MYB: variants seen among roughly 807,000 people sequenced by gnomAD.
MYB encodes MYB proto-oncogene, transcription factor, also known as transcriptional activator Myb.
Under a neutral mutation model 92.9 loss-of-function variants are expected in MYB, and 28 were observed. That is an observed-to-expected ratio of 0.30 (90% CI 0.22 to 0.41). The LOEUF is 0.41. Ranked by LOEUF, MYB falls within the 10% of genes least tolerant of loss-of-function variation. The pLI, the probability that MYB is intolerant of heterozygous loss-of-function variation, is 1.00. For synonymous variants in MYB, 295 were observed against 329.1 expected (o/e 0.90, Z 1.12); for missense variants, 679 against 929.3 (o/e 0.73, Z 3.50).
In MYB at chr6:135,199,061, G is replaced by C; in HGVS notation, c.1709+11G>C. On this transcript the variant is annotated intron_variant, in intron 11 of 15. Transcript: ENST00000341911. ...AAAGGAAAATACTGTGTAAGTCTTT[G>C]GTTCAGGAATAAAATGATTTATCTT... is the stretch of plus-strand genomic sequence containing the variant. 1 of 1,563,284 alleles carries C rather than the reference G, an allele frequency of 6.4e-7. No homozygotes were observed. Among genetic ancestry groups the C allele is most frequent in the Non-Finnish European group, 8.6e-7 (1 of 1,156,076 alleles).
chr6:135,214,668 AG>A (rs1408985315), intron 15 of MYB, among the ~76,000 whole-genome samples: 1 of 152,220 alleles, frequency 6.6e-6, no homozygotes, highest in Non-Finnish European at 1.5e-5. Context: ...TTCACCCTCA[AG>A]TAGTCACTAT....
At chr6:135,209,470 G>T (rs1322856929) in intron 15 of MYB, among the ~76,000 whole-genome samples, 1 of 152,156 alleles carries the variant, frequency 6.6e-6, no homozygotes, top group Non-Finnish European at 1.5e-5. Context: ...CCAACCTCAG[G>T]TGATCTGCCT....
chr6:135,200,657 G>A, intron 13 of MYB: 1 of 555,734 alleles, frequency 1.8e-6, no homozygotes, highest in East Asian at 3.4e-5. Context: ...AGAGTATCAA[G>A]AAAAGGGAGG....
intron 15 of MYB, among the ~76,000 whole-genome samples, chr6:135,208,500 C>T (rs1373729738): frequency 1.3e-5 from 2 of 151,868 alleles, no homozygotes; most frequent in African/African-American, 4.8e-5. Context: ...CTCCCTCAGC[C>T]TCCTGAGTAG....
chr6:135,183,071 G>T (rs569905125), intron 1 of MYB, among the ~76,000 whole-genome samples: 2 of 149,954 alleles, frequency 1.3e-5, no homozygotes, highest in South Asian at 4.2e-4. Context: ...TCGGGCAGGG[G>T]TGCTGGGAGG....
rs773472261 is a variant in MYB at position 135,190,419 on chromosome 6, G to C, written c.527+72G>C. On this transcript the variant is annotated intron_variant, in intron 5 of 15. Coordinates refer to ENST00000341911, the MANE Select transcript of MYB (RefSeq NM_001130173.2). This position sits in a 1 kb window ranked among gnomAD's most constrained non-coding sequence, Gnocchi z 4.5. ...GGGTATTGAACATTCTGCTTTAAATGTATGGTGAGTAAATTATATTTCATC... is the reference window on the plus strand; with the variant it reads ...GGGTATTGAACATTCTGCTTTAAATCTATGGTGAGTAAATTATATTTCATC... 1.0e-4 allele frequency: 117 copies of C among 1,116,302 alleles called. No individual in the cohort carries two copies. The highest frequency in any genetic ancestry group is 1.5e-4 in the Non-Finnish European group (116 of 756,674). The allele number at this position is 1,116,302 out of a possible 1,614,324, so 69.1% of individuals were successfully genotyped here.
intron 14 of MYB, chr6:135,202,721 G>C (rs1267745436): frequency 6.6e-6 from 2 of 301,130 alleles, no homozygotes; most frequent in Non-Finnish European, 1.3e-5. Flanking sequence ...GAGGCACAAA[G>C]AGGCTTAGTC....
rs746848743 is a variant in MYB, at chr6:135,185,979, G to A, written c.100G>A (p.Gly34Arg). ...HDYDGLLPKS[G>R]KRHLGKTRWT... ...CTATGATGGGCTGCTTCCCAAGTCT[G>A]GAAAGCGTCACTTGGGGAAAACAAG... The change falls in exon 2 of 16, where the codon GGA (glycine) becomes AGA (arginine). Residue 34 changes from glycine (G) to arginine (R), a missense_variant. By Grantham distance (125) the Gly-to-Arg change is moderately radical (BLOSUM62 -2). This residue lies in a region of MYB where 88 missense variants were observed against 145.6 expected (regional missense o/e 0.60). Transcript: ENST00000341911. 2 of 1,614,112 alleles carry A rather than the reference G, an allele frequency of 1.2e-6. No individual in the cohort carries two copies. Among genetic ancestry groups the A allele is most frequent in the Admixed American group, 3.3e-5 (2 of 60,020 alleles).
chr6:135,199,551 G>A (rs1198053510), intron 11 of MYB: 2 of 1,072,730 alleles, frequency 1.9e-6, no homozygotes, highest in African/African-American at 1.7e-5. Context: ...ACATCCCCAG[G>A]AATATTATAT....
intron 15 of MYB, among the ~76,000 whole-genome samples, chr6:135,205,455 A>C (rs925373480): frequency 6.6e-6 from 1 of 152,234 alleles, no homozygotes; most frequent in Non-Finnish European, 1.5e-5. Flanking sequence ...TTACCATTAC[A>C]TAAGTTGAAA....
chr6:135,195,010 C>A (rs1293468866), intron 8 of MYB: 2 of 1,338,604 alleles, frequency 1.5e-6, no homozygotes, highest in South Asian at 2.4e-5. Flanking sequence ...GGGCAGCCAA[C>A]TGGGATGGCT....
intron 11 of MYB, chr6:135,199,705 A>G (rs1479050227): frequency 3.0e-6 from 1 of 330,720 alleles, no homozygotes; most frequent in Non-Finnish European, 4.6e-6. Context: ...AGTAAATTTT[A>G]AAAGTTTAAC....
At chr6:135,187,950 A>G (rs374837586) in intron 3 of MYB, 45 bp downstream of exon 3, 1 of 1,367,302 alleles carries the variant, frequency 7.3e-7, no homozygotes, top group Non-Finnish European at 1.0e-6. Context: ...AGCTTCTCCC[A>G]AAGATTTCTA....
chr6:135,190,395 G>A lies in MYB; in HGVS notation c.527+48G>A, dbSNP rs570715172. ...ATTGATCGGGAAGAATGAGGGAGTG[G>A]GTATTGAACATTCTGCTTTAAATGT... On this transcript the variant is annotated intron_variant, in intron 5 of 15. Transcript: ENST00000341911. The surrounding 1 kb of genome is among the most constrained non-coding windows in gnomAD (Gnocchi z 4.5). The A allele has an allele frequency of 3.5e-5, 50 of 1,417,924 alleles. 1 individual carries two copies. In the South Asian group the frequency reaches 5.8e-4, roughly 17 times the overall value. The allele number at this position is 1,417,924 out of a possible 1,614,324, so 87.8% of individuals were successfully genotyped here. A position where few individuals can be genotyped will look rare whatever the true frequency, so the allele number is the denominator to read the frequency against.
intron 8 of MYB, chr6:135,194,902 A>T: frequency 7.9e-7 from 1 of 1,273,196 alleles, no homozygotes; most frequent in South Asian, 1.3e-5. Flanking sequence ...AAAAGGTTAT[A>T]TATAAAACCT....
chr6:135,210,647 C>T (rs1779582279), intron 15 of MYB, among the ~76,000 whole-genome samples: 2 of 152,214 alleles, frequency 1.3e-5, no homozygotes, highest in African/African-American at 2.4e-5. Context: ...ACCTGGGTTC[C>T]AGGCTAGACT....
chr6:135,212,011 T>C (rs1239047207), intron 15 of MYB, among the ~76,000 whole-genome samples: 1 of 152,152 alleles, frequency 6.6e-6, no homozygotes, highest in African/African-American at 2.4e-5. Flanking sequence ...GTCTCTCTTA[T>C]AACTGATCCA....
chr6:135,206,041 T>C (rs1466661572), intron 15 of MYB, among the ~76,000 whole-genome samples: 1 of 151,388 alleles, frequency 6.6e-6, no homozygotes, highest in Non-Finnish European at 1.5e-5. Context: ...CCGTCTCTAC[T>C]AAAAATACAA....
chr6:135,189,688 A>G (rs1331708803), intron 3 of MYB, 103 bp from the exon 4 acceptor site: 2 of 884,910 alleles, frequency 2.3e-6, no homozygotes, highest in Non-Finnish European at 3.6e-6. Flanking sequence ...ATGTTCTTAA[A>G]TATTTTCACT....
Sources: allele counts gnomAD v4.1 joint callset (sites outside exome capture counted in the v4.1 genomes callset), GRCh38; gene constraint gnomAD v4.1.1; regional missense constraint gnomAD v4.1.1; non-coding constraint Gnocchi (gnomAD v3.1); transcripts MANE v1.5; gene names NCBI Gene and HGNC (gene_info 2026-07-23, HGNC 2026-07-21).